Variants in TAB1 observed in about 807,000 individuals in gnomAD.
The protein encoded by TAB1 is TGF-beta activated kinase 1 (MAP3K7) binding protein 1.
A neutral mutation model predicts 54.5 loss-of-function variants in TAB1; 30 were observed. The ratio of observed to expected loss-of-function variants is 0.55; its 90% CI spans 0.41 to 0.75. The LOEUF is 0.75. Among genes scored for constraint, TAB1 ranks in the 30% least tolerant of loss-of-function variants. The pLI is 0.00. For synonymous variants in TAB1, 289 were observed against 286.9 expected (o/e 1.01, Z -0.07); for missense variants, 609 against 683.2 (o/e 0.89, Z 1.21).
intron 1 of TAB1, among the ~76,000 whole-genome samples, chr22:39,413,008 G>A (rs192719875): frequency 3.6e-4 from 52 of 145,254 alleles, no homozygotes; most frequent in African/African-American, 4.9e-4. Flanking sequence ...TCCGCCTCCC[G>A]GGTTCATGCC....
intron 1 of TAB1, among the ~76,000 whole-genome samples, chr22:39,403,924 G>A (rs542893024): frequency 1.9e-4 from 29 of 152,214 alleles, no homozygotes; most frequent in Non-Finnish European, 2.9e-4. Context: ...GATTACAGGC[G>A]TGAGCCACCG....
chr22:39,421,936 C>A lies in TAB1; in HGVS notation c.886C>A (p.Leu296Ile). ...GATGTCGGAGGGGTTGTACAAGGCC[C>A]TAGAGGCAGCCCATGGGCCTGGGCA... ...VLMSEGLYKALEAAHGPGQAN... is the reference protein window; with the variant it reads ...VLMSEGLYKAIEAAHGPGQAN... Residue 296 changes from leucine to isoleucine, a missense_variant, in exon 8 of 11, where the codon CTA becomes ATA. Leu to Ile is a conservative substitution (Grantham distance 5). Transcript: ENST00000216160. 1 of 1,601,080 alleles carries A rather than the reference C, an allele frequency of 6.2e-7. No homozygotes were observed. The highest frequency in any genetic ancestry group is 8.5e-7 in the Non-Finnish European group (1 of 1,174,456).
chr22:39,432,922 T>C (rs1260345582), downstream of TAB1: 1 of 985,270 alleles, frequency 1.0e-6, no homozygotes, highest in Non-Finnish European at 1.2e-6. Context: ...GTTTGAGGAC[T>C]TAAGGGGCCA....
intron 1 of TAB1, among the ~76,000 whole-genome samples, chr22:39,400,518 G>A (rs536150901): frequency 6.6e-6 from 1 of 152,362 alleles, no homozygotes; most frequent in Admixed American, 6.5e-5. Context: ...GCGCTGAGTG[G>A]AAGAATTGTC....
downstream of TAB1, among the ~76,000 whole-genome samples, chr22:39,436,065 G>T (rs1280252250): frequency 6.6e-6 from 1 of 152,250 alleles, no homozygotes; most frequent in African/African-American, 2.4e-5. Flanking sequence ...GCCAAGGCAG[G>T]TGGATCACCT....
In TAB1 at chr22:39,429,174, T is replaced by C. The variant is rs112647397; in HGVS notation, c.1308-841T>C. The C allele has an allele frequency of 3.0e-5, 30 of 985,440 alleles. No individual in the cohort carries two copies. The African/African-American group carries it at 4.5e-4, about 15-fold the overall frequency. The allele number at this position is 985,440 out of a possible 1,614,324, so 61.0% of individuals were successfully genotyped here. A position where few individuals can be genotyped will look rare whatever the true frequency, so the allele number is the denominator to read the frequency against. ...CCACCATGGGCTGGCCCTGTGCTGG[T>C]GCTGGGCAGCGCTAACAGGCAGTTC... On this transcript the variant is annotated intron_variant, in intron 10 of 10. Transcript: ENST00000216160.
chr22:39,409,139 GCTA>G (rs1479668657), intron 1 of TAB1, among the ~76,000 whole-genome samples: 1 of 152,186 alleles, frequency 6.6e-6, no homozygotes, highest in African/African-American at 2.4e-5. Context: ...ACTTTGGGGT[GCTA>G]AATATTGACT....
chr22:39,419,723 G>A, intron 7 of TAB1, 93 bp downstream of exon 7: 3 of 802,262 alleles, frequency 3.7e-6, no homozygotes, highest in East Asian at 2.8e-5. Flanking sequence ...GGAGGTCGAG[G>A]CTGCAGTGAG....
At chr22:39,424,438 CT>C (rs762665225) in intron 8 of TAB1, among the ~76,000 whole-genome samples, 1,376 of 89,506 alleles carry the variant, frequency 0.015, 7 homozygotes, top group African/African-American at 0.039. Flanking sequence ...GTTCTGATTT[CT>C]TTTTTTTTTT....
At chr22:39,434,588 G>T (rs551829479), downstream of TAB1, among the ~76,000 whole-genome samples, 2 of 152,368 alleles carry the variant, frequency 1.3e-5, no homozygotes, top group Admixed American at 1.3e-4. Flanking sequence ...AGAGACAGGC[G>T]CTTGGCATTC....
At chr22:39,412,260 A>C (rs923880482) in intron 1 of TAB1, among the ~76,000 whole-genome samples, 1 of 152,178 alleles carries the variant, frequency 6.6e-6, no homozygotes, top group Non-Finnish European at 1.5e-5. Context: ...GGCTGGTCTC[A>C]AATTCCTGGC....
intron 1 of TAB1, among the ~76,000 whole-genome samples, chr22:39,408,946 A>G (rs1926494398): frequency 6.6e-6 from 1 of 152,200 alleles, no homozygotes; most frequent in Non-Finnish European, 1.5e-5. Context: ...TGGGAATTAG[A>G]TACTGGCAGA....
chr22:39,428,840 AG>A (rs777673905), intron 10 of TAB1, among the ~76,000 whole-genome samples: 1 of 152,218 alleles, frequency 6.6e-6, no homozygotes, highest in Non-Finnish European at 1.5e-5. Flanking sequence ...AAGGCCCTGG[AG>A]GGGGGTGGGC....
Position 39,421,950 on chromosome 22 carries a change from T to C in TAB1, c.900T>C (p.His300=). 2.3e-5 allele frequency: 36 copies of C among 1,573,478 alleles called. No homozygotes were observed. The highest frequency in any genetic ancestry group is 2.9e-5 in the Non-Finnish European group (34 of 1,162,476). Residue 300 remains histidine (H), a synonymous_variant, in exon 8 of 11, where the codon CAT becomes CAC. Transcript: ENST00000216160. The part of the protein sequence containing the change: ...EGLYKALEAA[H]GPGQANQEIA... ...TGTACAAGGCCCTAGAGGCAGCCCA[T>C]GGGCCTGGGCAGGCCAACCAGGTGA...
chr22:39,434,403 A>G (rs189029403), downstream of TAB1, among the ~76,000 whole-genome samples: 47 of 152,388 alleles, frequency 3.1e-4, no homozygotes. Flanking sequence ...CGAAGTGCAG[A>G]CAGGGGCTGT....
At chr22:39,422,400 C>CTTTTTT (rs965591327) in intron 8 of TAB1, among the ~76,000 whole-genome samples, 15 of 88,522 alleles carry the variant, frequency 1.7e-4, no homozygotes, top group Admixed American at 2.4e-4. Flanking sequence ...CTTCTCATTT[C>CTTTTTT]TTTTTTTTTT....
At chr22:39,425,170 C>T (rs1025963875) in intron 8 of TAB1, among the ~76,000 whole-genome samples, 3 of 150,540 alleles carry the variant, frequency 2.0e-5, no homozygotes, top group East Asian at 1.9e-4. Context: ...GTCAGGAGAT[C>T]GAGACCATCC....
rs1170319047 is a variant in TAB1, at chr22:39,420,878, CTCTCTGTGTGTGTGTGTGTGTGTG to C, written c.777-947_777-924del. Reference sequence around the variant, plus strand: ...GGAACACCCAGGTGCTGGGGTGTCTCTCTCTGTGTGTGTGTGTGTGTGTGTGTGTGTGTGTGTGTGTGTGTGTGT... The same window carrying C: ...GGAACACCCAGGTGCTGGGGTGTCTCTGTGTGTGTGTGTGTGTGTGTGTGT... On this transcript the variant is annotated intron_variant, in intron 7 of 10. Transcript: ENST00000216160. Among the ~76,000 whole-genome samples the C allele has an allele frequency of 1.6e-3, 152 of 94,880 alleles. 11 individuals are homozygous for C. The highest frequency in any genetic ancestry group is 8.1e-3 in the African/African-American group (149 of 18,432). The allele number at this position is 94,880 out of a possible 152,430, so 62.2% of individuals were successfully genotyped here. A position where few individuals can be genotyped will look rare whatever the true frequency, so the allele number is the denominator to read the frequency against.
chr22:39,421,624 A>G, intron 7 of TAB1: 1 of 605,776 alleles, frequency 1.7e-6, no homozygotes, highest in Admixed American at 3.2e-5. Context: ...GCCAGTTTTT[A>G]TGGCCTTCCA....
Sources: gnomAD v4.1 joint callset for allele counts (sites outside exome capture counted in the v4.1 genomes callset) on GRCh38, gnomAD v4.1.1 for gene constraint, MANE v1.5 for transcripts, NCBI Gene and HGNC (gene_info 2026-07-23, HGNC 2026-07-21) for gene names.